AGGF1: variants seen among roughly 807,000 people sequenced by gnomAD.
AGGF1 encodes angiogenic factor with G-patch and FHA domains 1.
AGGF1 carries 56 observed loss-of-function variants against 86.5 expected under a neutral mutation model. That is an observed-to-expected ratio of 0.65 (90% CI 0.52 to 0.81). The LOEUF (loss-of-function observed/expected upper bound fraction) is 0.81, where lower values mean the gene tolerates loss of function less well. Ranked by LOEUF, AGGF1 falls within the 30% of genes least tolerant of loss-of-function variation. The probability of loss-of-function intolerance (pLI) is 0.00; values close to 1 mark genes in which losing one functional copy is unlikely to be tolerated. For missense variants in AGGF1, 816 were observed against 850.9 expected (o/e 0.96, Z 0.51); for synonymous variants, 313 against 297.1 (o/e 1.05, Z -0.55).
At chr5:77,042,555 G>A (rs1403998145) in intron 5 of AGGF1, among the ~76,000 whole-genome samples, 24 of 61,418 alleles carry the variant, frequency 3.9e-4, no homozygotes, top group East Asian at 5.7e-4. Flanking sequence ...CTCACCTCCC[G>A]GACGGGGCGG....
rs1003596601 is a variant in AGGF1, at chr5:77,054,028, G to C, written c.1531G>C (p.Val511Leu). Residue 511 changes from valine (V) to leucine (L), a missense_variant, in exon 10 of 14, where the codon GTC (valine) becomes CTC (leucine). By Grantham distance (32) the Val-to-Leu change is conservative. Coordinates refer to ENST00000312916, the MANE Select transcript of AGGF1 (RefSeq NM_018046.5). ...HGDEVKIGET[V>L]LSFHIHPGSD... ...AGATGAAGTCAAAATTGGAGAAACT[G>C]TCTTATCCTTTCACATTCATCCTGG... 6.2e-7 allele frequency: 1 copy of C among 1,614,176 alleles called. No individual in the cohort carries two copies.
At chr5:77,062,050 C>T (rs988394949) in intron 13 of AGGF1, among the ~76,000 whole-genome samples, 4 of 152,030 alleles carry the variant, frequency 2.6e-5, no homozygotes, top group Non-Finnish European at 5.9e-5. Context: ...GTGCTGTTTC[C>T]TGAGCCAAAG....
In AGGF1 at chr5:77,051,477, G is replaced by C. The variant is rs750637903; in HGVS notation, c.1366-1229G>C. ...TTTGGTAGTAATCCAGGAAATGCAA[G>C]TTAAAATCACAATGATAAGGCAATT... On this transcript the variant is annotated intron_variant, in intron 8 of 13. Transcript: ENST00000312916. Among the ~76,000 whole-genome samples, 50 of 150,898 alleles carry C rather than the reference G, an allele frequency of 3.3e-4. No homozygotes were observed. The Middle Eastern group carries it at 0.01, about 31-fold the overall frequency.
In AGGF1 at chr5:77,048,231, A is replaced by G. The variant is rs866178380; in HGVS notation, c.1272A>G (p.Ser424=). Reference sequence around the variant, plus strand: ...GATCACCTGTGTTGCAGATAGGATCACTCTTTATCATTACTGCTGTAAACC... The same window carrying G: ...GATCACCTGTGTTGCAGATAGGATCGCTCTTTATCATTACTGCTGTAAACC... ...VIRSPVLQIG[S]LFIITAVNPA... is the part of the protein sequence containing the mutation. The change falls in exon 7 of 14, where the codon TCA becomes TCG. Residue 424 remains serine (S), a synonymous_variant. Transcript: ENST00000312916. 1.5e-5 allele frequency: 24 copies of G among 1,613,564 alleles called. 1 individual carries two copies. In the Middle Eastern group the frequency reaches 4.0e-3, roughly 267 times the overall value.
chr5:77,061,240 G>A (rs1747559589), intron 12 of AGGF1, among the ~76,000 whole-genome samples: 1 of 152,142 alleles, frequency 6.6e-6, no homozygotes, highest in Non-Finnish European at 1.5e-5. Flanking sequence ...CTGTCCTGCT[G>A]TCCTCCCGAA....
chr5:77,033,276 A>G (rs554747965), intron 1 of AGGF1, among the ~76,000 whole-genome samples: 2 of 152,380 alleles, frequency 1.3e-5, no homozygotes, highest in African/African-American at 4.8e-5. Context: ...TAGGGTTTGT[A>G]CAAGACCCCA....
chr5:77,040,841 C>T (rs1747064362), intron 5 of AGGF1, among the ~76,000 whole-genome samples: 1 of 152,074 alleles, frequency 6.6e-6, no homozygotes, highest in Non-Finnish European at 1.5e-5. Context: ...GTCCTTCTGT[C>T]CTGTCCTGTT....
At chr5:77,050,571 A>G (rs1406897655) in intron 8 of AGGF1, among the ~76,000 whole-genome samples, 1 of 152,074 alleles carries the variant, frequency 6.6e-6, no homozygotes, top group African/African-American at 2.4e-5. Context: ...GATAGCACAT[A>G]TAACATGTAT....
At chr5:77,042,343 G>T (rs1311980432) in intron 5 of AGGF1, among the ~76,000 whole-genome samples, 1 of 144,660 alleles carries the variant, frequency 6.9e-6, no homozygotes, top group East Asian at 2.2e-4. Flanking sequence ...CCCAGACGGG[G>T]TGGTGGCCGG....
At chr5:77,045,520 T>C (rs1747232064) in intron 5 of AGGF1, among the ~76,000 whole-genome samples, 1 of 152,224 alleles carries the variant, frequency 6.6e-6, no homozygotes, top group Non-Finnish European at 1.5e-5. Context: ...AAAAGACTTA[T>C]GCCAGGCAAG....
Position 77,063,223 on chromosome 5 carries a change from A to G in AGGF1, c.2116A>G (p.Met706Val). The G allele has an allele frequency of 2.5e-6, 4 of 1,613,814 alleles. No individual in the cohort carries two copies. The highest frequency in any genetic ancestry group is 3.4e-6 in the Non-Finnish European group (4 of 1,179,790). ...GCCTCAAAAAGATGACCCAGGGACC[A>G]TGCCTTGGGTAAAAGGGACTTTAGA... is the stretch of plus-strand genomic sequence containing the variant. The part of the protein sequence containing the change: ...TKPQKDDPGT[M>V]PWVKGTLE The change falls in exon 14 of 14, where the codon ATG becomes GTG. Residue 706 changes from methionine (M) to valine (V), a missense_variant. By Grantham distance (21) the Met-to-Val change is conservative. This residue lies in a region of AGGF1 where 565 missense variants were observed against 585.8 expected (regional missense o/e 0.96). Transcript: ENST00000312916.
At chr5:77,041,763 C>T (rs967938267) in intron 5 of AGGF1, among the ~76,000 whole-genome samples, 2 of 147,500 alleles carry the variant, frequency 1.4e-5, no homozygotes, top group African/African-American at 5.0e-5. Flanking sequence ...TGAAAATGTG[C>T]GAATTCCAAG....
chr5:77,039,914 TA>T (rs1179311855), intron 5 of AGGF1, among the ~76,000 whole-genome samples, 195 bp downstream of exon 5: 1 of 152,136 alleles, frequency 6.6e-6, no homozygotes, highest in Non-Finnish European at 1.5e-5. Flanking sequence ...AAGCATTTCT[TA>T]AAATTTGAAG....
intron 3 of AGGF1, chr5:77,036,052 A>G: frequency 3.3e-6 from 1 of 302,418 alleles, no homozygotes; most frequent in Non-Finnish European, 6.2e-6. Context: ...ATTTACACCT[A>G]AAAAAATTTT....
rs1554046402 is a variant in AGGF1 at position 77,042,805 on chromosome 5, C to CAG, written c.870+3086_870+3087insAG. Among the ~76,000 whole-genome samples the CAG allele has an allele frequency of 8.2e-4, 12 of 14,566 alleles. 3 individuals carry two copies. Among genetic ancestry groups the CAG allele is most frequent in the Admixed American group, 4.3e-3 (6 of 1,386 alleles). The allele number at this position is 14,566 out of a possible 152,430, so 9.6% of individuals were successfully genotyped here. A position where few individuals can be genotyped will look rare whatever the true frequency, so the allele number is the denominator to read the frequency against. On this transcript the variant is annotated intron_variant, in intron 5 of 13. Transcript: ENST00000312916. ...CTCCCGGACGGGGCGGCTGGCCGGG[C>CAG]GGGGGCTGACCCCCCCACCTCCCTC... is the stretch of plus-strand genomic sequence containing the variant.
In AGGF1 at chr5:77,046,553, G is replaced by A. The variant is rs1747256745; in HGVS notation, c.1077G>A (p.Glu359=). The change falls in exon 6 of 14, where the codon GAG becomes GAA. Residue 359 remains glutamate, a synonymous_variant. Transcript: ENST00000312916. ...CTAATTCAACATCATTTAAAGATGAGAAAATCATGGAGACTGATAGTGAAC... is the reference window on the plus strand; with the variant it reads ...CTAATTCAACATCATTTAAAGATGAAAAAATCATGGAGACTGATAGTGAAC... ...NISNSTSFKD[E]KIMETDSEPE... 6.2e-7 allele frequency: 1 copy of A among 1,613,670 alleles called. No homozygotes were observed. The highest frequency in any genetic ancestry group is 8.5e-7 in the Non-Finnish European group (1 of 1,179,874).
rs1467110144 is a variant in AGGF1 at position 77,055,543 on chromosome 5, G to C, written c.1663G>C (p.Glu555Gln). Reference protein sequence around the residue: ...VGPTLSKEEKELERRKELKKI... With the variant: ...VGPTLSKEEKQLERRKELKKI... The stretch of plus-strand genomic sequence containing the variant: ...TCCAACACTAAGTAAGGAGGAAAAA[G>C]AGTTGGAAAGAAGAAAAGAATTAAA... The change falls in exon 11 of 14, where the codon GAG becomes CAG. Residue 555 changes from glutamate (E) to glutamine (Q), a missense_variant. By Grantham distance (29) the Glu-to-Gln change is conservative. Transcript: ENST00000312916. 1 of 1,605,048 alleles carries C rather than the reference G, an allele frequency of 6.2e-7. No homozygotes were observed. Among genetic ancestry groups the C allele is most frequent in the Non-Finnish European group, 8.5e-7 (1 of 1,172,976 alleles).
At chr5:77,047,376 C>T (rs778894368) in intron 6 of AGGF1, among the ~76,000 whole-genome samples, 7 of 151,978 alleles carry the variant, frequency 4.6e-5, no homozygotes, top group Admixed American at 1.3e-4. Flanking sequence ...TATGCAAATA[C>T]GATACAATTT....
intron 1 of AGGF1, among the ~76,000 whole-genome samples, chr5:77,032,770 A>T (rs1746895200): frequency 6.6e-6 from 1 of 152,166 alleles, no homozygotes. Flanking sequence ...AGACTAAATG[A>T]TGGGACTTTG....
Sources: gnomAD v4.1 joint callset for allele counts (sites outside exome capture counted in the v4.1 genomes callset) on GRCh38, gnomAD v4.1.1 for gene constraint, gnomAD v4.1.1 regional missense constraint, MANE v1.5 for transcripts, NCBI Gene and HGNC (gene_info 2026-07-23, HGNC 2026-07-21) for gene names.